PLCH1: variants seen among roughly 807,000 people sequenced by gnomAD.
PLCH1 encodes the protein 1-phosphatidylinositol 4,5-bisphosphate phosphodiesterase eta-1.
In PLCH1, 60 loss-of-function variants were observed where a neutral mutation model predicts 126.7. The observed-to-expected ratio is 0.47, with a 90% confidence interval of 0.38 to 0.59. The LOEUF is 0.59. Among genes scored for constraint, PLCH1 ranks in the 20% least tolerant of loss-of-function variants. PLCH1 has a pLI of 0.00. For missense variants in PLCH1, 1,723 were observed against 2,040.0 expected, an observed-to-expected ratio of 0.84 and a Z score of 2.99; for synonymous variants, 719 against 734.9, an observed-to-expected ratio of 0.98 and a Z score of 0.35.
At chr3:155,514,606 G>A in intron 12 of PLCH1, 117 bp downstream of exon 12, 1 of 646,822 alleles carries the variant, frequency 1.5e-6, no homozygotes, top group East Asian at 3.0e-5. Flanking sequence ...CATTTCTCAA[G>A]CAAAATGAGG....
chr3:155,550,876 T>C (rs182427803), intron 9 of PLCH1, among the ~76,000 whole-genome samples: 6 of 152,302 alleles, frequency 3.9e-5, no homozygotes, highest in Admixed American at 3.3e-4. Flanking sequence ...AAGCACAAGT[T>C]CCACAATACG....
chr3:155,531,138 A>G (rs73154250), intron 10 of PLCH1, among the ~76,000 whole-genome samples: 11,494 of 152,260 alleles, frequency 0.075, 548 homozygotes, highest in South Asian at 0.15. Context: ...GAGTAGATTT[A>G]GCATAATTCT....
intron 5 of PLCH1, among the ~76,000 whole-genome samples, chr3:155,585,431 G>A (rs559021494): frequency 6.6e-6 from 1 of 152,288 alleles, no homozygotes; most frequent in East Asian, 1.9e-4. Flanking sequence ...GCCTAACATT[G>A]TCTTTGCCCT....
chr3:155,720,168 T>A (rs972843716), intron 1 of PLCH1, among the ~76,000 whole-genome samples: 1 of 152,226 alleles, frequency 6.6e-6, no homozygotes, highest in African/African-American at 2.4e-5. Flanking sequence ...TGAATTATGC[T>A]GCTATAAACA....
chr3:155,466,121 C>T (rs142662478), intron 21 of PLCH1, among the ~76,000 whole-genome samples: 142 of 152,282 alleles, frequency 9.3e-4, no homozygotes, highest in African/African-American at 3.1e-3. Context: ...ACTGTAGAGC[C>T]CCAGGGCCTT....
intron 21 of PLCH1, among the ~76,000 whole-genome samples, chr3:155,458,504 G>GAGA (rs1712572368): frequency 9.5e-6 from 1 of 105,596 alleles, no homozygotes. Flanking sequence ...GAAAGAGAAA[G>GAGA]AAGAGAGAGA....
At chr3:155,597,431 A>T (rs1733121133) in intron 2 of PLCH1, among the ~76,000 whole-genome samples, 1 of 152,138 alleles carries the variant, frequency 6.6e-6, no homozygotes, top group South Asian at 2.1e-4. Flanking sequence ...CCTTCCAAAT[A>T]TTTTTTTATT....
At chr3:155,613,336 G>T (rs747178487) in intron 2 of PLCH1, among the ~76,000 whole-genome samples, 1 of 130,438 alleles carries the variant, frequency 7.7e-6, no homozygotes, top group Non-Finnish European at 1.5e-5. Flanking sequence ...ACAAGGAAAG[G>T]ACATAACACC....
intron 2 of PLCH1, among the ~76,000 whole-genome samples, chr3:155,600,104 T>C (rs1217129657): frequency 6.6e-6 from 1 of 152,160 alleles, no homozygotes; most frequent in African/African-American, 2.4e-5. Flanking sequence ...CACTGAAATC[T>C]TGAGAGTCAT....
At chr3:155,476,204 CAT>C (rs984342057), downstream of PLCH1, among the ~76,000 whole-genome samples, 3 of 151,996 alleles carry the variant, frequency 2.0e-5, no homozygotes, top group African/African-American at 7.2e-5. Flanking sequence ...GAATAAAAAA[CAT>C]ATGATAATTT....
chr3:155,528,468 T>G (rs1450752276), intron 10 of PLCH1, among the ~76,000 whole-genome samples: 1 of 152,158 alleles, frequency 6.6e-6, no homozygotes, highest in Non-Finnish European at 1.5e-5. Flanking sequence ...AGAAACAAGC[T>G]ATCAAGATAT....
At chr3:155,637,314 C>T (rs1519532) in intron 2 of PLCH1, among the ~76,000 whole-genome samples, 42,636 of 152,062 alleles carry the variant, frequency 0.28, 6,395 homozygotes, top group East Asian at 0.44. Context: ...GAGGCTAAAC[C>T]CTTAACTTTG....
In PLCH1 at chr3:155,506,596, T is replaced by C. The variant is rs1293522744; in HGVS notation, c.1633-1970A>G. Among the ~76,000 whole-genome samples, 357 of 135,404 alleles carry C rather than the reference T, an allele frequency of 2.6e-3. 1 individual carries two copies. The highest frequency in any genetic ancestry group is 8.8e-3 in the African/African-American group (319 of 36,244). 88.8% of individuals were successfully genotyped at this position (135,404 alleles called of 152,430 possible). ...CAATTCCCACCTATGAGTGAGAATA[T>C]GCGGTGTTTGGTTTTTTGTTCTTGC... On this transcript the variant is annotated intron_variant, in intron 12 of 22. Transcript: ENST00000460012.
intron 21 of PLCH1, 44 bp from the exon 22 acceptor site, chr3:155,485,754 C>G (rs769974425): frequency 8.2e-7 from 1 of 1,216,144 alleles, no homozygotes; most frequent in South Asian, 1.3e-5. Flanking sequence ...CAAATGCCAT[C>G]ACATCAACAA....
chr3:155,488,636 G>A (rs1715679432), intron 20 of PLCH1, 24 bp downstream of exon 20: 1 of 1,593,128 alleles, frequency 6.3e-7, no homozygotes, highest in East Asian at 2.2e-5. Context: ...TCAGTCTAGA[G>A]AGAAAAGGCC....
intron 2 of PLCH1, among the ~76,000 whole-genome samples, chr3:155,603,581 A>T (rs1352243764): frequency 6.6e-6 from 1 of 152,174 alleles, no homozygotes; most frequent in Non-Finnish European, 1.5e-5. Context: ...TTCAGAAGGT[A>T]ACTGAATATC....
At chr3:155,692,205 T>C (rs888115212) in intron 2 of PLCH1, among the ~76,000 whole-genome samples, 1 of 152,114 alleles carries the variant, frequency 6.6e-6, no homozygotes. Flanking sequence ...AATAACCATA[T>C]GAAGGTCAGC....
intron 10 of PLCH1, among the ~76,000 whole-genome samples, chr3:155,537,200 ACC>A (rs374222802): frequency 0.038 from 1,654 of 43,702 alleles, 74 homozygotes; most frequent in African/African-American, 0.1. Flanking sequence ...AAAAAAAAAA[ACC>A]AAAAAAAAAA....
chr3:155,487,790 C>A (rs1715481079), intron 21 of PLCH1, among the ~76,000 whole-genome samples: 2 of 152,146 alleles, frequency 1.3e-5, no homozygotes, highest in African/African-American at 2.4e-5. Context: ...TTTCTCAATT[C>A]TATTAAGCCC....
Sources: gnomAD v4.1 joint callset for allele counts (sites outside exome capture counted in the v4.1 genomes callset) on GRCh38, gnomAD v4.1.1 for gene constraint, MANE v1.5 for transcripts, NCBI Gene and HGNC (gene_info 2026-07-23, HGNC 2026-07-21) for gene names.